Variants in OPHN1 observed in about 807,000 individuals in gnomAD.
OPHN1 encodes oligophrenin 1.
A neutral mutation model predicts 60.7 loss-of-function variants in OPHN1; 11 were observed. That is an observed-to-expected ratio of 0.18 (90% CI 0.11 to 0.30). The LOEUF is 0.30. OPHN1 is among the 10% of genes least tolerant of loss of function. The pLI, the probability that OPHN1 is intolerant of heterozygous loss-of-function variation, is 1.00. For synonymous variants in OPHN1, 226 were observed against 222.6 expected (o/e 1.02, Z -0.14); for missense variants, 449 against 611.0 (o/e 0.73, Z 2.80).
At chrX:68,338,823 C>A (rs1232031738) in intron 2 of OPHN1, among the ~76,000 whole-genome samples, 4 of 110,769 alleles carry the variant, frequency 3.6e-5, no homozygotes, top group Non-Finnish European at 7.5e-5. Context: ...GCCTGTAATC[C>A]CAACATTCTG....
At chrX:68,278,253 T>C (rs2078001590) in intron 4 of OPHN1, among the ~76,000 whole-genome samples, 1 of 112,537 alleles carries the variant, frequency 8.9e-6, no homozygotes, top group African/African-American at 3.2e-5. Flanking sequence ...AAAGTCACAT[T>C]GAGGATTTCC....
chrX:68,229,033 CT>C (rs1186107116), intron 6 of OPHN1, among the ~76,000 whole-genome samples: 61 of 111,565 alleles, frequency 5.5e-4, no homozygotes, highest in African/African-American at 1.9e-3. Context: ...AGCCCCAAAT[CT>C]CCTTAAACTG....
At chrX:68,226,057 C>G (rs777928347) in intron 6 of OPHN1, among the ~76,000 whole-genome samples, 89 of 111,726 alleles carry the variant, frequency 8.0e-4, no homozygotes, top group Non-Finnish European at 1.4e-3. Flanking sequence ...AGCTGAAAAC[C>G]AAGGCATGAG....
chrX:68,145,403 T>G (rs2077259627), intron 15 of OPHN1, among the ~76,000 whole-genome samples: 1 of 111,929 alleles, frequency 8.9e-6, no homozygotes, highest in East Asian at 2.8e-4. Flanking sequence ...TTAGAATGCT[T>G]GCACGCATGA....
chrX:68,247,886 A>G (rs978587529), intron 5 of OPHN1, among the ~76,000 whole-genome samples: 5 of 111,239 alleles, frequency 4.5e-5, no homozygotes, highest in Non-Finnish European at 9.4e-5. Context: ...CTCATCTCAA[A>G]ATTTTAAAAG....
intron 2 of OPHN1, among the ~76,000 whole-genome samples, chrX:68,343,287 C>T (rs866470550): frequency 6.1e-5 from 5 of 82,043 alleles, no homozygotes; most frequent in African/African-American, 2.0e-4. Context: ...AAAAAAAAAG[C>T]GGGGGGGGAG....
chrX:68,324,197 T>C (rs2078248037), intron 2 of OPHN1, among the ~76,000 whole-genome samples: 1 of 111,383 alleles, frequency 9.0e-6, no homozygotes, highest in South Asian at 3.7e-4. Context: ...ATATTACCAG[T>C]AAGAAAATAC....
chrX:68,322,896 A>T (rs5965548), intron 2 of OPHN1, among the ~76,000 whole-genome samples: 8,971 of 111,471 alleles, frequency 0.08, 909 homozygotes, highest in African/African-American at 0.28. Context: ...TTATGCTGAG[A>T]AAAAAGAAAA....
intron 6 of OPHN1, among the ~76,000 whole-genome samples, chrX:68,229,695 A>G (rs1363910189): frequency 2.7e-5 from 3 of 112,383 alleles, no homozygotes; most frequent in Non-Finnish European, 5.6e-5. Flanking sequence ...GGTGCTGGGA[A>G]AACTGGCTAG....
chrX:68,166,031 A>C (rs2077356589), intron 15 of OPHN1, among the ~76,000 whole-genome samples: 1 of 112,398 alleles, frequency 8.9e-6, no homozygotes, highest in Admixed American at 9.5e-5. Context: ...TCCACAATGC[A>C]TGCCATATAC....
chrX:68,433,102 G>A (rs1355305468), intron 1 of OPHN1, 66 bp downstream of exon 1: 13 of 1,005,870 alleles, frequency 1.3e-5, no homozygotes, highest in Non-Finnish European at 2.7e-6. Context: ...GAAGTAGAGG[G>A]GACGGACTGA....
At chrX:68,384,691 C>G (rs1166713925) in intron 2 of OPHN1, among the ~76,000 whole-genome samples, 2 of 107,117 alleles carry the variant, frequency 1.9e-5, no homozygotes, top group Non-Finnish European at 3.8e-5. Context: ...CACTGCACTC[C>G]AGCCTGGGCG....
intron 23 of OPHN1, among the ~76,000 whole-genome samples, chrX:68,050,370 G>A (rs944173832): frequency 3.6e-5 from 4 of 111,926 alleles, no homozygotes; most frequent in Non-Finnish European, 7.5e-5. Context: ...CAGACATAGG[G>A]TGGGTAGAGT....
At chrX:68,048,573 G>T (rs1188606783) in intron 23 of OPHN1, 116 bp from the exon 24 acceptor site, 1 of 609,159 alleles carries the variant, frequency 1.6e-6, no homozygotes, top group African/African-American at 2.2e-5. Flanking sequence ...GAAAAATGGA[G>T]AAGTGATTCA....
chrX:68,345,899 G>C (rs1261006465), intron 2 of OPHN1, among the ~76,000 whole-genome samples: 1 of 112,647 alleles, frequency 8.9e-6, no homozygotes, highest in African/African-American at 3.2e-5. Flanking sequence ...GGGAGGCTGA[G>C]GCGGGTCCTT....
At chrX:68,251,308 C>G (rs2077833901) in intron 5 of OPHN1, among the ~76,000 whole-genome samples, 1 of 105,600 alleles carries the variant, frequency 9.5e-6, no homozygotes, top group South Asian at 4.5e-4. Flanking sequence ...TACCTAGCCT[C>G]CCGAGTAGCT....
intron 2 of OPHN1, among the ~76,000 whole-genome samples, chrX:68,329,847 C>G (rs2078285862): frequency 8.9e-6 from 1 of 111,865 alleles, no homozygotes. Flanking sequence ...ATGGCCACCT[C>G]AACTACAAGG....
intron 8 of OPHN1, among the ~76,000 whole-genome samples, chrX:68,210,486 T>C (rs1360575901): frequency 8.9e-6 from 1 of 111,790 alleles, no homozygotes; most frequent in Non-Finnish European, 1.9e-5. Context: ...GAAACAAAAA[T>C]ATAACGAGCA....
chrX:68,398,775 C>T (rs548132155), intron 2 of OPHN1, among the ~76,000 whole-genome samples: 1 of 110,694 alleles, frequency 9.0e-6, no homozygotes, highest in South Asian at 3.9e-4. Context: ...ATGACGAAAC[C>T]CTGTCTCTAC....
Sources: allele counts gnomAD v4.1 joint callset (sites outside exome capture counted in the v4.1 genomes callset), GRCh38; gene constraint gnomAD v4.1.1; transcripts MANE v1.5; gene names NCBI Gene and HGNC (gene_info 2026-07-23, HGNC 2026-07-21).